RNF125: variants seen among roughly 807,000 people sequenced by gnomAD.
RNF125 encodes E3 ubiquitin-protein ligase RNF125.
A neutral mutation model predicts 26.0 loss-of-function variants in RNF125; 21 were observed. The ratio of observed to expected loss-of-function variants is 0.81; its 90% CI spans 0.57 to 1.16. The LOEUF is 1.16. Among genes scored for constraint, RNF125 ranks in the 50% most tolerant of loss-of-function variants. RNF125 has a pLI of 0.00. For synonymous variants in RNF125, 95 were observed against 109.2 expected (o/e 0.87, Z 0.81); for missense variants, 270 against 299.4 (o/e 0.90, Z 0.72).
chr18:32,051,887 A>G (rs1283036121), intron 4 of RNF125, among the ~76,000 whole-genome samples: 1 of 150,996 alleles, frequency 6.6e-6, no homozygotes, highest in Non-Finnish European at 1.5e-5. Context: ...TTGGGGTTTC[A>G]CCATGTTGGC....
At chr18:32,046,214 C>CAA (rs768054716) in intron 4 of RNF125, among the ~76,000 whole-genome samples, 978 of 75,354 alleles carry the variant, frequency 0.013, 23 homozygotes, top group African/African-American at 0.037. Context: ...AAGACTGTCT[C>CAA]AAAAAAAAAA....
In RNF125 at chr18:32,050,865, C is replaced by CTTTTTTTT. The variant is rs531751585; in HGVS notation, c.504+5160_504+5167dup. Among the ~76,000 whole-genome samples the CTTTTTTTT allele has an allele frequency of 1.7e-3, 77 of 46,344 alleles. 17 individuals carry two copies. Among genetic ancestry groups the CTTTTTTTT allele is most frequent in the Non-Finnish European group, 2.5e-3 (65 of 25,614 alleles). The allele number at this position is 46,344 out of a possible 152,430, so 30.4% of individuals were successfully genotyped here. ...CCAGCTAGTCTCTCGGTCTAGAGTG[C>CTTTTTTTT]TTTTTTTTTTTTTTTTTTTTTTTTT... On this transcript the variant is annotated intron_variant, in intron 4 of 5. Coordinates refer to ENST00000217740, the MANE Select transcript of RNF125 (RefSeq NM_017831.4).
intron 1 of RNF125, among the ~76,000 whole-genome samples, chr18:32,025,492 C>T (rs556859723): frequency 1.3e-3 from 194 of 151,914 alleles, no homozygotes; most frequent in African/African-American, 3.7e-3. Flanking sequence ...GGCGAAACCC[C>T]GTTTCTCTAA....
intron 4 of RNF125, among the ~76,000 whole-genome samples, chr18:32,065,034 A>G (rs1459475005): frequency 6.6e-6 from 1 of 152,250 alleles, no homozygotes; most frequent in Non-Finnish European, 1.5e-5. Flanking sequence ...AAATTGATGA[A>G]TATGAAACAA....
At chr18:32,074,150 G>A (rs1043777904), downstream of RNF125, among the ~76,000 whole-genome samples, 1 of 152,114 alleles carries the variant, frequency 6.6e-6, no homozygotes, top group Non-Finnish European at 1.5e-5. Context: ...TCTTCTCCAG[G>A]GAAGCTGTTC....
intron 1 of RNF125, among the ~76,000 whole-genome samples, chr18:32,036,461 C>G (rs2039155009): frequency 1.3e-5 from 2 of 150,948 alleles, no homozygotes; most frequent in Non-Finnish European, 1.5e-5. Flanking sequence ...TTCAACAACT[C>G]CTATAAATAG....
chr18:32,046,131 C>A (rs4799627), intron 4 of RNF125, among the ~76,000 whole-genome samples: 3 of 146,836 alleles, frequency 2.0e-5, no homozygotes, highest in South Asian at 2.2e-4. Context: ...GCAGAAGAAT[C>A]GCTTGAACCT....
chr18:32,057,333 CTTT>C (rs531930687), intron 4 of RNF125, among the ~76,000 whole-genome samples: 1 of 140,634 alleles, frequency 7.1e-6, no homozygotes. Flanking sequence ...CCCCAAATGA[CTTT>C]TTTTTTTTTT....
intron 1 of RNF125, among the ~76,000 whole-genome samples, chr18:32,032,442 A>C (rs148324298): frequency 3.3e-5 from 5 of 151,110 alleles, no homozygotes; most frequent in African/African-American, 1.2e-4. Context: ...CGAACTCCTG[A>C]CCTCAGGTGA....
chr18:32,089,891 C>T, the RNF125 span, among the ~76,000 whole-genome samples: 5 of 152,136 alleles, frequency 3.3e-5, no homozygotes, highest in Admixed American at 6.5e-5. Flanking sequence ...CACTATTATA[C>T]AGAAAATACA....
At chr18:32,084,459 G>A in the RNF125 span, among the ~76,000 whole-genome samples, 1 of 152,122 alleles carries the variant, frequency 6.6e-6, no homozygotes, top group Non-Finnish European at 1.5e-5. Context: ...TCTACTCTAG[G>A]GCTCTGCCTC....
chr18:32,031,314 A>T (rs2039091251), intron 1 of RNF125: 1 of 151,858 alleles, frequency 6.6e-6, no homozygotes, highest in African/African-American at 2.4e-5. Context: ...ACGTTGCTAC[A>T]CTACTCTGAA....
chr18:32,031,755 G>A (rs2039099249), intron 1 of RNF125, among the ~76,000 whole-genome samples: 1 of 152,138 alleles, frequency 6.6e-6, no homozygotes, highest in South Asian at 2.1e-4. Flanking sequence ...ATAGAAAGAA[G>A]TAAAATATGT....
intron 4 of RNF125, among the ~76,000 whole-genome samples, chr18:32,046,596 CAAA>C (rs34644068): frequency 6.3e-5 from 6 of 95,928 alleles, no homozygotes; most frequent in Non-Finnish European, 2.0e-5. Context: ...GACTCTGTCT[CAAA>C]AAAAAAAAAA....
chr18:32,068,170 T>C, intron 5 of RNF125, 128 bp from the exon 6 acceptor site: 3 of 544,282 alleles, frequency 5.5e-6, no homozygotes, highest in Non-Finnish European at 6.5e-6. Context: ...TGACAGGCTT[T>C]GTGGAACCTT....
intron 1 of RNF125, chr18:32,031,078 T>TCAA (rs2039088942): frequency 6.6e-6 from 1 of 152,032 alleles, no homozygotes. Flanking sequence ...GTTCCACCTC[T>TCAA]CAATACCACC....
chr18:32,036,082 A>G (rs2039150622), intron 1 of RNF125, among the ~76,000 whole-genome samples: 1 of 148,348 alleles, frequency 6.7e-6, no homozygotes, highest in Admixed American at 6.9e-5. Flanking sequence ...TGAACCCAGG[A>G]GGTGGAGGCT....
chr18:32,080,997 C>T, the RNF125 span, among the ~76,000 whole-genome samples: 2 of 151,888 alleles, frequency 1.3e-5, no homozygotes, highest in Non-Finnish European at 2.9e-5. Context: ...CTAGCCTGAC[C>T]CAACATGGTG....
chr18:32,038,587 A>T (rs979188059), intron 2 of RNF125, among the ~76,000 whole-genome samples: 3 of 152,078 alleles, frequency 2.0e-5, no homozygotes, highest in Non-Finnish European at 4.4e-5. Context: ...ACTTTGCAGT[A>T]TTTGTCTCTA....
Sources: allele counts gnomAD v4.1 joint callset (sites outside exome capture counted in the v4.1 genomes callset), GRCh38; gene constraint gnomAD v4.1.1; transcripts MANE v1.5; gene names NCBI Gene and HGNC (gene_info 2026-07-23, HGNC 2026-07-21).